UNC5D: variants seen among roughly 807,000 people sequenced by gnomAD.
UNC5D encodes the protein netrin receptor UNC5D.
UNC5D carries 39 observed loss-of-function variants against 105.4 expected under a neutral mutation model. The observed-to-expected ratio is 0.37, with a 90% CI of 0.29 to 0.48. The LOEUF is 0.48. UNC5D is among the 20% of genes least tolerant of loss of function. The pLI is 0.98. For synonymous variants in UNC5D, 452 were observed against 450.4 expected, an observed-to-expected ratio of 1.00 and a Z score of -0.04; for missense variants, 991 against 1,202.4, an observed-to-expected ratio of 0.82 and a Z score of 2.60.
chr8:35,640,651 A>T (rs987447345), intron 4 of UNC5D, among the ~76,000 whole-genome samples: 3 of 152,148 alleles, frequency 2.0e-5, no homozygotes, highest in Non-Finnish European at 4.4e-5. Context: ...TAAGGTAAAA[A>T]TTCCTGATTT....
At chr8:35,724,381 G>A (rs1001611842) in intron 9 of UNC5D, 43 of 1,399,258 alleles carry the variant, frequency 3.1e-5, no homozygotes, top group African/African-American at 1.6e-4. Context: ...AGAGAGATCC[G>A]TTTTTGAGCA....
At chr8:35,651,619 C>A (rs1823409026) in intron 4 of UNC5D, among the ~76,000 whole-genome samples, 1 of 152,196 alleles carries the variant, frequency 6.6e-6, no homozygotes, top group African/African-American at 2.4e-5. Flanking sequence ...CTCCTGCAAC[C>A]TCTCTCTTCC....
At chr8:35,354,815 C>A (rs1801457623) in intron 1 of UNC5D, among the ~76,000 whole-genome samples, 1 of 152,092 alleles carries the variant, frequency 6.6e-6, no homozygotes, top group Non-Finnish European at 1.5e-5. Flanking sequence ...TCCATCCACA[C>A]CTGGGGCTGG....
At chr8:35,406,396 A>G (rs776822949) in intron 1 of UNC5D, among the ~76,000 whole-genome samples, 7 of 152,148 alleles carry the variant, frequency 4.6e-5, no homozygotes, top group Non-Finnish European at 8.8e-5. Flanking sequence ...GAACTTTTCT[A>G]TGACTCACCG....
At position 35,568,386 on chromosome 8, in the gene UNC5D, A is replaced by C. The variant is rs114034460; in HGVS notation, c.466+145A>C. The C allele has an allele frequency of 1.3e-3, 1,644 of 1,269,828 alleles. 16 individuals are homozygous for C. In the African/African-American group the frequency reaches 0.022, roughly 17 times the overall value. The allele number at this position is 1,269,828 out of a possible 1,614,324, so 78.7% of individuals were successfully genotyped here. A position where few individuals can be genotyped will look rare whatever the true frequency, so the allele number is the denominator to read the frequency against. ...TACTCTTCTAAAATGTTATTTTAAAATGTTTGATAATTTCTGGCCAGGCGT... is the reference window on the plus strand; with the variant it reads ...TACTCTTCTAAAATGTTATTTTAAACTGTTTGATAATTTCTGGCCAGGCGT... On this transcript the variant is annotated intron_variant, in intron 3 of 16. Coordinates refer to ENST00000404895, the MANE Select transcript of UNC5D (RefSeq NM_080872.4).
chr8:35,500,277 G>A (rs1390283600), intron 1 of UNC5D, among the ~76,000 whole-genome samples: 1 of 152,112 alleles, frequency 6.6e-6, no homozygotes, highest in Non-Finnish European at 1.5e-5. Flanking sequence ...CATGGTGGAG[G>A]GCATTATATG....
At chr8:35,731,369 TC>T (rs1829182184) in intron 11 of UNC5D, among the ~76,000 whole-genome samples, 2 of 124,404 alleles carry the variant, frequency 1.6e-5, no homozygotes, top group African/African-American at 3.2e-5. Flanking sequence ...CCACTGCACT[TC>T]AGTCTGGGCA....
At chr8:35,278,089 C>T (rs1275554405) in intron 1 of UNC5D, among the ~76,000 whole-genome samples, 1 of 152,148 alleles carries the variant, frequency 6.6e-6, no homozygotes, top group Non-Finnish European at 1.5e-5. Flanking sequence ...TCTGATTTAA[C>T]AGCCAGCCAG....
chr8:35,272,242 C>T (rs1327966990), intron 1 of UNC5D, among the ~76,000 whole-genome samples: 1 of 152,094 alleles, frequency 6.6e-6, no homozygotes, highest in Non-Finnish European at 1.5e-5. Flanking sequence ...TTTCAGTTGA[C>T]TAGCTGGAGA....
chr8:35,687,798 A>G (rs1213157169), intron 7 of UNC5D, among the ~76,000 whole-genome samples: 1 of 152,174 alleles, frequency 6.6e-6, no homozygotes, highest in Non-Finnish European at 1.5e-5. Flanking sequence ...ATAAAATAAC[A>G]TATTTGAATG....
chr8:35,400,314 C>T (rs1206603132), intron 1 of UNC5D, among the ~76,000 whole-genome samples: 7 of 151,876 alleles, frequency 4.6e-5, no homozygotes, highest in African/African-American at 1.7e-4. Flanking sequence ...CTTTAAGATG[C>T]CTATATTGTG....
At chr8:35,286,552 A>C (rs1309624203) in intron 1 of UNC5D, among the ~76,000 whole-genome samples, 1 of 152,180 alleles carries the variant, frequency 6.6e-6, no homozygotes, top group East Asian at 1.9e-4. Flanking sequence ...TTGGGAGAGA[A>C]GCAACTGCAT....
intron 1 of UNC5D, among the ~76,000 whole-genome samples, chr8:35,357,397 C>A (rs942410276): frequency 5.3e-5 from 8 of 152,164 alleles, no homozygotes; most frequent in Admixed American, 4.6e-4. Context: ...TAACCCCAGA[C>A]TGCTGGGCAA....
At chr8:35,632,951 C>T (rs1822131665) in intron 4 of UNC5D, among the ~76,000 whole-genome samples, 2 of 152,212 alleles carry the variant, frequency 1.3e-5, no homozygotes, top group African/African-American at 4.8e-5. Flanking sequence ...CAGGTTATCA[C>T]CTCCTTTGGG....
At chr8:35,349,159 G>A (rs1041300636) in intron 1 of UNC5D, among the ~76,000 whole-genome samples, 3 of 151,774 alleles carry the variant, frequency 2.0e-5, no homozygotes, top group African/African-American at 7.2e-5. Context: ...CTTGACAAAG[G>A]AAGGAGTTTT....
At chr8:35,494,232 A>G (rs1056335578) in intron 1 of UNC5D, among the ~76,000 whole-genome samples, 1 of 152,186 alleles carries the variant, frequency 6.6e-6, no homozygotes, top group African/African-American at 2.4e-5. Flanking sequence ...TTCTGATAAT[A>G]AAGTATCTGA....
In UNC5D at chr8:35,336,791, GT is replaced by G. The variant is rs11404669; in HGVS notation, c.103+100916del. Among the ~76,000 whole-genome samples the G allele has an allele frequency of 6.2e-3, 916 of 147,664 alleles. 7 individuals are homozygous for G. The highest frequency in any genetic ancestry group is 0.022 in the African/African-American group (879 of 40,294). On this transcript the variant is annotated intron_variant, in intron 1 of 16. Coordinates refer to ENST00000404895, the MANE Select transcript of UNC5D (RefSeq NM_080872.4). ...GCCCAGATAGACCAAAGGAAATAGT[GT>G]TTTTTTTTTTTCTTTATTTTTAGTT... is the stretch of plus-strand genomic sequence containing the variant.
chr8:35,741,166 A>T (rs1829740295), intron 11 of UNC5D, among the ~76,000 whole-genome samples: 1 of 152,192 alleles, frequency 6.6e-6, no homozygotes, highest in African/African-American at 2.4e-5. Context: ...TTTACACATG[A>T]TTTGTGATTC....
In UNC5D at chr8:35,516,012, T is replaced by G. The variant is rs1813070241; in HGVS notation, c.104-33280T>G. The stretch of plus-strand genomic sequence containing the variant: ...GTTCAAGCCCGTCAAACTGAACTAT[T>G]GTCTCCTGCCAGTTCCTGTCTCATT... On this transcript the variant is annotated intron_variant, in intron 1 of 16. Transcript: ENST00000404895. Among the ~76,000 whole-genome samples, 4 of 152,142 alleles carry G rather than the reference T, an allele frequency of 2.6e-5. No individual in the cohort carries two copies. The South Asian group carries it at 8.3e-4, about 32-fold the overall frequency.
Sources: gnomAD v4.1 joint callset for allele counts (sites outside exome capture counted in the v4.1 genomes callset) on GRCh38, gnomAD v4.1.1 for gene constraint, MANE v1.5 for transcripts, NCBI Gene and HGNC (gene_info 2026-07-23, HGNC 2026-07-21) for gene names.